The following SV2B variants were observed in gnomAD, a reference collection of about 807,000 sequenced individuals.
The protein encoded by SV2B is solute carrier family 22 member B2.
SV2B carries 41 observed loss-of-function variants against 73.9 expected under a neutral mutation model. The ratio of observed to expected loss-of-function variants is 0.56; its 90% CI spans 0.43 to 0.72. The LOEUF (loss-of-function observed/expected upper bound fraction) is 0.72, where lower values mean the gene tolerates loss of function less well. Ranked by LOEUF, SV2B falls within the 30% of genes least tolerant of loss-of-function variation. The pLI is 0.00. For missense variants in SV2B, 764 were observed against 857.8 expected, an observed-to-expected ratio of 0.89 and a Z score of 1.37; for synonymous variants, 314 against 314.2, an observed-to-expected ratio of 1.00 and a Z score of 0.01.
intron 4 of SV2B, among the ~76,000 whole-genome samples, chr15:91,256,124 A>T (rs2047680325): frequency 6.6e-6 from 1 of 152,218 alleles, no homozygotes; most frequent in Non-Finnish European, 1.5e-5. Context: ...ATTATGGAAG[A>T]TTAATTCCCA....
chr15:91,292,255 GA>G (rs573578723), intron 12 of SV2B, 113 bp from the exon 13 acceptor site: 33 of 982,532 alleles, frequency 3.4e-5, no homozygotes, highest in African/African-American at 8.4e-5. Flanking sequence ...TTATATTTAG[GA>G]AAAAAAACTC....
At chr15:91,271,238 G>A (rs942544585) in intron 9 of SV2B, among the ~76,000 whole-genome samples, 4 of 151,410 alleles carry the variant, frequency 2.6e-5, no homozygotes, top group Admixed American at 2.0e-4. Flanking sequence ...CCCGCCCCAC[G>A]GGGTGACACC....
rs1450072330 is a variant in SV2B, at chr15:91,301,575, C to A, written c.*9023C>A. The stretch of plus-strand genomic sequence containing the variant: ...GATAAAGACTTTTAAAGCCTATCCC[C>A]TTTAACCTTCATAATAACCTAATGA... On this transcript the variant is annotated 3_prime_UTR_variant, in exon 13 of 13. Transcript: ENST00000394232. This position sits in a 1 kb window ranked among gnomAD's most constrained non-coding sequence, Gnocchi z 4.3. Among the ~76,000 whole-genome samples the A allele has an allele frequency of 6.6e-6, 1 of 152,188 alleles. No individual in the cohort carries two copies. Among genetic ancestry groups the A allele is most frequent in the African/African-American group, 2.4e-5 (1 of 41,444 alleles).
chr15:91,238,061 C>T (rs1438714719), intron 2 of SV2B, among the ~76,000 whole-genome samples: 1 of 152,138 alleles, frequency 6.6e-6, no homozygotes, highest in African/African-American at 2.4e-5. Context: ...ACTGTGGGTT[C>T]CTTTATATGA....
Position 91,140,522 on chromosome 15 carries a change from A to C in SV2B, c.-392+40159A>C, listed in dbSNP as rs1260971137. Among the ~76,000 whole-genome samples, 2 of 152,196 alleles carry C rather than the reference A, an allele frequency of 1.3e-5. No homozygotes were observed. The highest frequency in any genetic ancestry group is 1.5e-5 in the Non-Finnish European group (1 of 68,034). On this transcript the variant is annotated intron_variant, in intron 1 of 12. Coordinates refer to ENST00000394232, the MANE Select transcript of SV2B (RefSeq NM_001323032.3). This position sits in a 1 kb window ranked among gnomAD's most constrained non-coding sequence, Gnocchi z 4.4. Reference sequence around the variant, plus strand: ...TGAACTTCCCACACACTTCTGGCTGAAACTGGCCCCTAGTTAGCACTAGCT... The same window carrying C: ...TGAACTTCCCACACACTTCTGGCTGCAACTGGCCCCTAGTTAGCACTAGCT...
chr15:91,223,515 A>G lies in SV2B; in HGVS notation c.-391-2358A>G, dbSNP rs2046281187. Among the ~76,000 whole-genome samples, 1 of 152,118 alleles carries G rather than the reference A, an allele frequency of 6.6e-6. No homozygotes were observed. Among genetic ancestry groups the G allele is most frequent in the Non-Finnish European group, 1.5e-5 (1 of 68,018 alleles). On this transcript the variant is annotated intron_variant, in intron 1 of 12. Coordinates refer to ENST00000394232, the MANE Select transcript of SV2B (RefSeq NM_001323032.3). This position sits in a 1 kb window ranked among gnomAD's most constrained non-coding sequence, Gnocchi z 4.6. The stretch of plus-strand genomic sequence containing the variant: ...CTTTGCCCTGGGTGGTGAGTCCCAC[A>G]AGTGCTTTTGGAATTGCAAGTCTAT...
At chr15:91,206,407 T>C (rs2045643382) in intron 1 of SV2B, among the ~76,000 whole-genome samples, 1 of 152,174 alleles carries the variant, frequency 6.6e-6, no homozygotes, top group Admixed American at 6.5e-5. Flanking sequence ...TACAGCCATG[T>C]GTATGGCATT....
At chr15:91,259,502 T>C (rs919926169) in intron 5 of SV2B, among the ~76,000 whole-genome samples, 5 of 152,170 alleles carry the variant, frequency 3.3e-5, no homozygotes, top group African/African-American at 1.2e-4. Flanking sequence ...TTTGCACCCT[T>C]GGTTGGATAT....
In SV2B at chr15:91,297,801, T is replaced by G. The variant is rs994757909; in HGVS notation, c.*5249T>G. On this transcript the variant is annotated 3_prime_UTR_variant, in exon 13 of 13. Transcript: ENST00000394232. This position sits in a 1 kb window ranked among gnomAD's most constrained non-coding sequence, Gnocchi z 5.1. ...ACCCAAAAATGTCAATGAAAATATTTCCTTCCCCAGAAACTGCTTGGTTTC... is the reference window on the plus strand; with the variant it reads ...ACCCAAAAATGTCAATGAAAATATTGCCTTCCCCAGAAACTGCTTGGTTTC... The G allele has an allele frequency of 2.6e-5, 4 of 152,220 alleles. No individual in the cohort carries two copies. The highest frequency in any genetic ancestry group is 9.7e-5 in the African/African-American group (4 of 41,448). 9.4% of individuals were successfully genotyped at this position (152,220 alleles called of 1,614,324 possible). A position where few individuals can be genotyped will look rare whatever the true frequency, so the allele number is the denominator to read the frequency against.
At position 91,241,828 on chromosome 15, in the gene SV2B, C is replaced by T. The variant is rs1343551753; in HGVS notation, c.452-9991C>T. Reference sequence around the variant, plus strand: ...TATTTATCTCTCTATGGAATCATTCCCACCAGCACACTACACATTTCTTCA... The same window carrying T: ...TATTTATCTCTCTATGGAATCATTCTCACCAGCACACTACACATTTCTTCA... On this transcript the variant is annotated intron_variant, in intron 2 of 12. Coordinates refer to ENST00000394232, the MANE Select transcript of SV2B (RefSeq NM_001323032.3). The surrounding 1 kb of genome is among the most constrained non-coding windows in gnomAD (Gnocchi z 4.8). 6.6e-6 allele frequency among the ~76,000 whole-genome samples: 1 copy of T among 152,112 alleles called. No individual in the cohort carries two copies. Among genetic ancestry groups the T allele is most frequent in the Non-Finnish European group, 1.5e-5 (1 of 68,016 alleles).
rs1315103696 is a variant in SV2B, at chr15:91,149,977, T to C, written c.-392+49614T>C. Among the ~76,000 whole-genome samples, 3 of 152,170 alleles carry C rather than the reference T, an allele frequency of 2.0e-5. No homozygotes were observed. The East Asian group carries it at 5.8e-4, about 29-fold the overall frequency. ...AGCGCTGACCCTCTGATATCCTCTC[T>C]TTCTGTCTCTGTCTTTCTGTCTGTC... On this transcript the variant is annotated intron_variant, in intron 1 of 12. Transcript: ENST00000394232.
intron 2 of SV2B, among the ~76,000 whole-genome samples, chr15:91,250,213 T>C (rs763350770): frequency 1.1e-4 from 17 of 152,156 alleles, no homozygotes; most frequent in Non-Finnish European, 1.9e-4. Context: ...TTTAAACATA[T>C]GCAAATCAAT....
intron 1 of SV2B, among the ~76,000 whole-genome samples, chr15:91,189,856 C>T (rs1321238066): frequency 2.6e-5 from 4 of 151,918 alleles, no homozygotes; most frequent in Non-Finnish European, 4.4e-5. Flanking sequence ...GGTGTAATGG[C>T]GGGCGCCTGT....
chr15:91,107,875 G>C (rs78477827), intron 1 of SV2B, among the ~76,000 whole-genome samples: 6,345 of 152,260 alleles, frequency 0.042, 179 homozygotes, highest in Middle Eastern at 0.085. Flanking sequence ...TCCCCAAAGT[G>C]GTGGGATTAT....
chr15:91,221,282 T>G (rs926623282), intron 1 of SV2B, among the ~76,000 whole-genome samples: 20 of 152,110 alleles, frequency 1.3e-4, no homozygotes, highest in African/African-American at 4.8e-4. Context: ...ATTCTCACAA[T>G]GACCCTACTA....
chr15:91,147,031 C>A (rs1567290431), intron 1 of SV2B, among the ~76,000 whole-genome samples: 2 of 152,170 alleles, frequency 1.3e-5, no homozygotes, highest in African/African-American at 4.8e-5. Flanking sequence ...AGCATTTATC[C>A]CATTAGACTA....
chr15:91,283,648 C>T lies in SV2B; in HGVS notation c.1508-373C>T, dbSNP rs1009771400. Reference sequence around the variant, plus strand: ...ATTTATTTATTTGTAGAGATAAGGTCTCACTGTGTTGCCCAGGCTGGTCCT... The same window carrying T: ...ATTTATTTATTTGTAGAGATAAGGTTTCACTGTGTTGCCCAGGCTGGTCCT... On this transcript the variant is annotated intron_variant, in intron 10 of 12. Coordinates refer to ENST00000394232, the MANE Select transcript of SV2B (RefSeq NM_001323032.3). This position sits in a 1 kb window ranked among gnomAD's most constrained non-coding sequence, Gnocchi z 4.3. Among the ~76,000 whole-genome samples the T allele has an allele frequency of 2.0e-5, 3 of 152,054 alleles. No individual in the cohort carries two copies. Among genetic ancestry groups the T allele is most frequent in the African/African-American group, 7.2e-5 (3 of 41,384 alleles).
Position 91,247,799 on chromosome 15 carries a change from T to G in SV2B, c.452-4020T>G, listed in dbSNP as rs187638316. ...TCTATTGGCAGAGCCTAGCAGAGAGTGGCTGGCAAAACTGACCGGGATTTG... is the reference window on the plus strand; with the variant it reads ...TCTATTGGCAGAGCCTAGCAGAGAGGGGCTGGCAAAACTGACCGGGATTTG... On this transcript the variant is annotated intron_variant, in intron 2 of 12. Transcript: ENST00000394232. 1.0e-3 allele frequency among the ~76,000 whole-genome samples: 152 copies of G among 152,102 alleles called. 1 individual carries two copies. Among genetic ancestry groups the G allele is most frequent in the African/African-American group, 3.6e-3 (149 of 41,474 alleles).
intron 2 of SV2B, among the ~76,000 whole-genome samples, chr15:91,228,615 T>C (rs945015518): frequency 4.6e-5 from 7 of 152,184 alleles, no homozygotes; most frequent in Admixed American, 2.0e-4. Flanking sequence ...AGGGCTGCAG[T>C]ATGGTTGCAG....
Sources: gnomAD v4.1 joint callset for allele counts (sites outside exome capture counted in the v4.1 genomes callset) on GRCh38, gnomAD v4.1.1 for gene constraint, Gnocchi (gnomAD v3.1) non-coding constraint, MANE v1.5 for transcripts, NCBI Gene and HGNC (gene_info 2026-07-23, HGNC 2026-07-21) for gene names.